Variants in CAMTA1 observed in about 807,000 individuals in gnomAD.
CAMTA1 encodes the protein calmodulin binding transcription activator 1.
A neutral mutation model predicts 170.9 loss-of-function variants in CAMTA1; 27 were observed. The ratio of observed to expected loss-of-function variants is 0.16; its 90% CI spans 0.12 to 0.22. The LOEUF is 0.22. CAMTA1 is among the 10% of genes least tolerant of loss of function. The probability of loss-of-function intolerance (pLI) is 1.00; values close to 1 mark genes in which losing one functional copy is unlikely to be tolerated. For synonymous variants in CAMTA1, 833 were observed against 891.5 expected (o/e 0.93, Z 1.17); for missense variants, 1,619 against 2,217.2 (o/e 0.73, Z 5.42).
At chr1:7,747,089 A>G (rs2096862400) in intron 18 of CAMTA1, among the ~76,000 whole-genome samples, 1 of 152,228 alleles carries the variant, frequency 6.6e-6, no homozygotes, top group African/African-American at 2.4e-5. Flanking sequence ...GTTAGCCAAT[A>G]ATGTAATGGT....
At chr1:7,109,098 G>A (rs909172906) in intron 4 of CAMTA1, among the ~76,000 whole-genome samples, 1 of 152,238 alleles carries the variant, frequency 6.6e-6, no homozygotes, top group Non-Finnish European at 1.5e-5. Flanking sequence ...GAGTGAGTTA[G>A]CAAGAGACTA....
Position 7,455,076 on chromosome 1 carries a change from C to T in CAMTA1, c.439-12754C>T, listed in dbSNP as rs568051098. Among the ~76,000 whole-genome samples the T allele has an allele frequency of 6.6e-6, 1 of 152,272 alleles. No individual in the cohort carries two copies. Among genetic ancestry groups the T allele is most frequent in the African/African-American group, 2.4e-5 (1 of 41,554 alleles). On this transcript the variant is annotated intron_variant, in intron 5 of 22. Transcript: ENST00000303635. The surrounding 1 kb of genome is among the most constrained non-coding windows in gnomAD (Gnocchi z 5.0). ...TCAGGGCCCTGGGGGCATCCAGGGC[C>T]GGCCTGGCTGGGGCAGCGCATCTGC...
intron 6 of CAMTA1, among the ~76,000 whole-genome samples, chr1:7,615,735 A>G (rs1385491038): frequency 6.6e-6 from 1 of 152,212 alleles, no homozygotes; most frequent in Non-Finnish European, 1.5e-5. Context: ...CTTTGGGGCC[A>G]TGGGGGAGGT....
chr1:6,823,868 A>G (rs528806268), intron 2 of CAMTA1, among the ~76,000 whole-genome samples: 9 of 152,320 alleles, frequency 5.9e-5, no homozygotes, highest in African/African-American at 2.2e-4. Flanking sequence ...AGGTTGCTTA[A>G]TTGTAAGGCC....
rs557594438 is a variant in CAMTA1, at chr1:7,637,238, G to A, written c.511-3162G>A. On this transcript the variant is annotated intron_variant, in intron 6 of 22. Coordinates refer to ENST00000303635, the MANE Select transcript of CAMTA1 (RefSeq NM_015215.4). ...GGCCCAGGCTGTGCCCAGCACGACT[G>A]TGGGGCAGGATGCGGCAGTCCTTTC... Among the ~76,000 whole-genome samples the A allele has an allele frequency of 5.0e-3, 759 of 152,272 alleles. 12 individuals are homozygous for A. The highest frequency in any genetic ancestry group is 0.018 in the African/African-American group (732 of 41,566).
In CAMTA1 at chr1:7,544,558, C is replaced by T. The variant is rs117155807; in HGVS notation, c.510+76657C>T. On this transcript the variant is annotated intron_variant, in intron 6 of 22. Coordinates refer to ENST00000303635, the MANE Select transcript of CAMTA1 (RefSeq NM_015215.4). ...TCCTCTGTGCCCTGCTGCACTGAGC[C>T]TGAGAATTGTCGTACAAAGAGAACT... is the stretch of plus-strand genomic sequence containing the variant. 2.4e-3 allele frequency among the ~76,000 whole-genome samples: 360 copies of T among 152,326 alleles called. 4 individuals are homozygous for T. The East Asian group carries it at 0.027, about 11-fold the overall frequency.
At position 7,635,712 on chromosome 1, in the gene CAMTA1, G is replaced by A. The variant is rs2095707149; in HGVS notation, c.511-4688G>A. ...GCATTCCTGCAGGCCGCCCTGCTGAGCTGGTCCACCTGAGCCCATCTCGCC... is the reference window on the plus strand; with the variant it reads ...GCATTCCTGCAGGCCGCCCTGCTGAACTGGTCCACCTGAGCCCATCTCGCC... On this transcript the variant is annotated intron_variant, in intron 6 of 22. Transcript: ENST00000303635. This position sits in a 1 kb window ranked among gnomAD's most constrained non-coding sequence, Gnocchi z 4.4. Among the ~76,000 whole-genome samples the A allele has an allele frequency of 6.6e-6, 1 of 152,008 alleles. No individual in the cohort carries two copies. Among genetic ancestry groups the A allele is most frequent in the Non-Finnish European group, 1.5e-5 (1 of 68,026 alleles).
intron 3 of CAMTA1, among the ~76,000 whole-genome samples, chr1:7,035,955 G>GA (rs977703391): frequency 6.6e-6 from 1 of 152,024 alleles, no homozygotes; most frequent in African/African-American, 2.4e-5. Context: ...ATTCAGTGGG[G>GA]AAAAAAACAA....
At chr1:7,331,243 CA>C (rs2149743410) in intron 5 of CAMTA1, among the ~76,000 whole-genome samples, 1 of 152,168 alleles carries the variant, frequency 6.6e-6, no homozygotes, top group East Asian at 1.9e-4. Flanking sequence ...CACCAAAAAA[CA>C]AAACAAAACA....
intron 3 of CAMTA1, among the ~76,000 whole-genome samples, chr1:7,043,156 A>T (rs926042067): frequency 2.6e-5 from 4 of 152,206 alleles, no homozygotes; most frequent in Admixed American, 2.6e-4. Context: ...GGCCGCTGGC[A>T]CAGGCCTCTG....
intron 6 of CAMTA1, among the ~76,000 whole-genome samples, chr1:7,610,486 C>T (rs566005775): frequency 6.6e-6 from 1 of 152,352 alleles, no homozygotes; most frequent in South Asian, 2.1e-4. Context: ...ACCCTCCCCC[C>T]AGCCTCAGTT....
intron 3 of CAMTA1, among the ~76,000 whole-genome samples, chr1:7,015,752 C>T (rs1462500845): frequency 1.3e-5 from 2 of 152,116 alleles, no homozygotes; most frequent in African/African-American, 2.4e-5. Context: ...GTACAGGAAG[C>T]GTGGCTGGGG....
chr1:7,457,795 G>A (rs1380883696), intron 5 of CAMTA1, among the ~76,000 whole-genome samples: 1 of 152,124 alleles, frequency 6.6e-6, no homozygotes, highest in Admixed American at 6.5e-5. Flanking sequence ...CCCATTCGAC[G>A]GCACACCTGT....
chr1:7,577,252 C>T (rs2150368522), intron 6 of CAMTA1, among the ~76,000 whole-genome samples: 1 of 152,308 alleles, frequency 6.6e-6, no homozygotes, highest in South Asian at 2.1e-4. Flanking sequence ...CCTATGTGCT[C>T]CAGAAACTCA....
intron 5 of CAMTA1, among the ~76,000 whole-genome samples, chr1:7,275,121 A>G (rs1479327832): frequency 1.6e-5 from 2 of 123,000 alleles, no homozygotes; most frequent in East Asian, 5.4e-4. Flanking sequence ...CTGCCTGGGC[A>G]GGGAGACAGA....
intron 3 of CAMTA1, among the ~76,000 whole-genome samples, chr1:6,858,398 T>C (rs1313504451): frequency 6.8e-6 from 1 of 147,364 alleles, no homozygotes; most frequent in African/African-American, 2.5e-5. Flanking sequence ...ATATTGAGGT[T>C]CTGTTACAAC....
At chr1:7,169,466 A>G (rs80180183) in intron 4 of CAMTA1, among the ~76,000 whole-genome samples, 1,719 of 152,172 alleles carry the variant, frequency 0.011, 35 homozygotes, top group African/African-American at 0.039. Context: ...ATATTTTCTT[A>G]AGATGGTTTA....
chr1:7,453,369 G>A (rs993110184), intron 5 of CAMTA1, among the ~76,000 whole-genome samples: 1 of 152,212 alleles, frequency 6.6e-6, no homozygotes, highest in Non-Finnish European at 1.5e-5. Flanking sequence ...GGGCCTGACA[G>A]CTTCCAGCAG....
At chr1:6,879,161 A>T (rs765597039) in intron 3 of CAMTA1, among the ~76,000 whole-genome samples, 1 of 152,218 alleles carries the variant, frequency 6.6e-6, no homozygotes, top group Non-Finnish European at 1.5e-5. Context: ...AGAATATGTC[A>T]TCAAATGTAG....
Sources: gnomAD v4.1 joint callset for allele counts (sites outside exome capture counted in the v4.1 genomes callset) on GRCh38, gnomAD v4.1.1 for gene constraint, Gnocchi (gnomAD v3.1) non-coding constraint, MANE v1.5 for transcripts, NCBI Gene and HGNC (gene_info 2026-07-23, HGNC 2026-07-21) for gene names.